The following FAF1 variants were observed in gnomAD, a reference collection of about 807,000 sequenced individuals.
FAF1 encodes FAS-associated factor 1.
FAF1 carries 25 observed loss-of-function variants against 92.5 expected under a neutral mutation model. The ratio of observed to expected loss-of-function variants is 0.27; its 90% CI spans 0.20 to 0.38. The LOEUF (loss-of-function observed/expected upper bound fraction) is 0.38. FAF1 is among the 10% of genes least tolerant of loss of function. FAF1 has a pLI of 1.00. For synonymous variants in FAF1, 234 were observed against 273.2 expected, an observed-to-expected ratio of 0.86 and a Z score of 1.42; for missense variants, 636 against 793.3, an observed-to-expected ratio of 0.80 and a Z score of 2.38.
At chr1:50,779,099 C>T (rs781055741) in intron 4 of FAF1, among the ~76,000 whole-genome samples, 2 of 152,068 alleles carry the variant, frequency 1.3e-5, no homozygotes, top group Non-Finnish European at 2.9e-5. Context: ...CTCAAGAAAC[C>T]ATTTTGTTTG....
chr1:50,755,038 T>C (rs1660021517), intron 4 of FAF1, among the ~76,000 whole-genome samples: 2 of 152,114 alleles, frequency 1.3e-5, no homozygotes, highest in African/African-American at 4.8e-5. Context: ...ACCATATCAT[T>C]CTGCCCCTGG....
chr1:50,766,811 A>AC (rs1557517727), intron 4 of FAF1, among the ~76,000 whole-genome samples: 2 of 151,330 alleles, frequency 1.3e-5, no homozygotes, highest in Non-Finnish European at 2.9e-5. Flanking sequence ...AAAAAAAAAA[A>AC]ACCACACATC....
chr1:50,664,719 A>C (rs1655546260), intron 7 of FAF1, among the ~76,000 whole-genome samples: 1 of 152,212 alleles, frequency 6.6e-6, no homozygotes, highest in Non-Finnish European at 1.5e-5. Context: ...GCGTGAACCC[A>C]GGAGGCGGAG....
intron 9 of FAF1, among the ~76,000 whole-genome samples, chr1:50,591,369 C>T (rs1651496607): frequency 6.6e-6 from 1 of 152,142 alleles, no homozygotes; most frequent in East Asian, 1.9e-4. Flanking sequence ...TATCACTCCC[C>T]ACTTAAAAGT....
chr1:50,895,848 A>G (rs976025060), intron 1 of FAF1, among the ~76,000 whole-genome samples: 1 of 152,100 alleles, frequency 6.6e-6, no homozygotes, highest in Non-Finnish European at 1.5e-5. Context: ...ACATCCCTTC[A>G]TGATTTTAAA....
At chr1:50,879,179 A>T (rs1303240182) in intron 1 of FAF1, among the ~76,000 whole-genome samples, 1 of 152,180 alleles carries the variant, frequency 6.6e-6, no homozygotes, top group Non-Finnish European at 1.5e-5. Context: ...CGGGAGGCGG[A>T]GTCTACAGTG....
At chr1:50,559,294 A>C (rs1166987734) in intron 13 of FAF1, among the ~76,000 whole-genome samples, 6 of 152,086 alleles carry the variant, frequency 3.9e-5, no homozygotes, top group Admixed American at 3.9e-4. Context: ...TGTTGAATGT[A>C]CTATAAACAG....
intron 1 of FAF1, 136 bp downstream of exon 1, chr1:50,959,631 A>G (rs1202932394): frequency 3.1e-5 from 18 of 588,116 alleles, no homozygotes; most frequent in Non-Finnish European, 5.4e-5. Context: ...CCACACACAC[A>G]CACACACGCC....
In FAF1 at chr1:50,583,136, C is replaced by T. The variant is rs1350086907; in HGVS notation, c.1032-437G>A. On this transcript the variant is annotated intron_variant, in intron 11 of 18. Coordinates refer to ENST00000396153, the MANE Select transcript of FAF1 (RefSeq NM_007051.3). The surrounding 1 kb of genome is among the most constrained non-coding windows in gnomAD (Gnocchi z 4.2). The stretch of plus-strand genomic sequence containing the variant: ...ATCACTAAAACAATATCATTTACAC[C>T]AAATTGAGGATTAAACATTAATTCT... 2.6e-5 allele frequency among the ~76,000 whole-genome samples: 4 copies of T among 151,586 alleles called. No individual in the cohort carries two copies. Among genetic ancestry groups the T allele is most frequent in the Non-Finnish European group, 5.9e-5 (4 of 67,824 alleles).
chr1:50,494,509 G>A (rs1176431070), intron 15 of FAF1, among the ~76,000 whole-genome samples: 1 of 152,200 alleles, frequency 6.6e-6, no homozygotes, highest in Non-Finnish European at 1.5e-5. Context: ...CAGGTCTTAC[G>A]TGTTGCCTAG....
Position 50,475,517 on chromosome 1 carries a change from T to G in FAF1, c.1816A>C (p.Lys606Gln). The G allele has an allele frequency of 6.2e-7, 1 of 1,614,152 alleles. No individual in the cohort carries two copies. Among genetic ancestry groups the G allele is most frequent in the Non-Finnish European group, 8.5e-7 (1 of 1,179,990 alleles). ...LQIVFDFVAS[K>Q]GFPWDEYKLL... ...TTGTACTCATCCCATGGAAATCCTT[T>G]GGAAGCTACAAAATCAAAGACAATC... Residue 606 changes from lysine (K) to glutamine (Q), a missense_variant, in exon 18 of 19, where the codon AAA (lysine) becomes CAA (glutamine). By Grantham distance (53) the Lys-to-Gln change is moderately conservative. Transcript: ENST00000396153.
intron 18 of FAF1, among the ~76,000 whole-genome samples, chr1:50,471,435 G>C (rs577155813): frequency 8.9e-4 from 135 of 152,286 alleles, no homozygotes; most frequent in African/African-American, 3.1e-3. Flanking sequence ...AAACCATGCT[G>C]GAGCTTGATT....
intron 13 of FAF1, among the ~76,000 whole-genome samples, chr1:50,550,580 T>G (rs1236709812): frequency 6.6e-6 from 1 of 152,130 alleles, no homozygotes; most frequent in African/African-American, 2.4e-5. Flanking sequence ...GTGTAGGCTC[T>G]TCCTCTAAAC....
chr1:50,710,912 TG>T (rs1461032264), intron 6 of FAF1, among the ~76,000 whole-genome samples: 1 of 144,236 alleles, frequency 6.9e-6, no homozygotes, highest in Non-Finnish European at 1.5e-5. Flanking sequence ...AAGTGGCATT[TG>T]TTTTTTTTTT....
At chr1:50,611,201 T>C (rs1309083129) in intron 8 of FAF1, among the ~76,000 whole-genome samples, 1 of 152,222 alleles carries the variant, frequency 6.6e-6, no homozygotes, top group Non-Finnish European at 1.5e-5. Flanking sequence ...ATAATGAAAT[T>C]TCCAGTTAAA....
chr1:50,584,674 T>C lies in FAF1; in HGVS notation c.967+11A>G. 1 of 1,612,346 alleles carries C rather than the reference T, an allele frequency of 6.2e-7. No homozygotes were observed. The highest frequency in any genetic ancestry group is 8.5e-7 in the Non-Finnish European group (1 of 1,178,944). On this transcript the variant is annotated intron_variant, in intron 10 of 18. Transcript: ENST00000396153. ...TTCTATTGCTGGACCCAAAGAGCTA[T>C]TAATACTCACTCATTGGAGATTTTC...
At chr1:50,876,749 A>G (rs1401100786) in intron 1 of FAF1, among the ~76,000 whole-genome samples, 1 of 151,928 alleles carries the variant, frequency 6.6e-6, no homozygotes, top group South Asian at 2.1e-4. Context: ...ACACCTGGCT[A>G]ATGTTTGTAT....
intron 2 of FAF1, among the ~76,000 whole-genome samples, chr1:50,815,253 T>G (rs1436343794): frequency 6.6e-6 from 1 of 152,082 alleles, no homozygotes; most frequent in Non-Finnish European, 1.5e-5. Context: ...CCTCTAGTAA[T>G]CCCGTGTCTA....
At chr1:50,896,961 CA>C (rs937346978) in intron 1 of FAF1, among the ~76,000 whole-genome samples, 1 of 146,712 alleles carries the variant, frequency 6.8e-6, no homozygotes, top group African/African-American at 2.5e-5. Flanking sequence ...TGTATTTAAC[CA>C]AAAAAAAACA....
Sources: gnomAD v4.1 joint callset for allele counts (sites outside exome capture counted in the v4.1 genomes callset) on GRCh38, gnomAD v4.1.1 for gene constraint, Gnocchi (gnomAD v3.1) non-coding constraint, MANE v1.5 for transcripts, NCBI Gene and HGNC (gene_info 2026-07-23, HGNC 2026-07-21) for gene names.